Variants in IPCEF1 observed in about 807,000 individuals in gnomAD.
IPCEF1 encodes the protein interaction protein for cytohesin exchange factors 1.
IPCEF1 carries 31 observed loss-of-function variants against 50.9 expected under a neutral mutation model. The ratio of observed to expected loss-of-function variants is 0.61; its 90% confidence interval spans 0.46 to 0.82. The LOEUF (loss-of-function observed/expected upper bound fraction) is 0.82. IPCEF1 is among the 40% of genes least tolerant of loss of function. IPCEF1 has a pLI of 0.00. For missense variants in IPCEF1, 458 were observed against 514.0 expected, an observed-to-expected ratio of 0.89 and a Z score of 1.05; for synonymous variants, 181 against 192.0, an observed-to-expected ratio of 0.94 and a Z score of 0.47.
intron 5 of IPCEF1, among the ~76,000 whole-genome samples, chr6:154,231,234 A>T (rs559345191): frequency 6.6e-6 from 1 of 152,232 alleles, no homozygotes; most frequent in Non-Finnish European, 1.5e-5. Flanking sequence ...AGGAGATTGA[A>T]GAAAAGTTAG....
intron 1 of IPCEF1, among the ~76,000 whole-genome samples, chr6:154,336,785 TTTG>T (rs973105224): frequency 1.1e-4 from 17 of 152,046 alleles, no homozygotes; most frequent in Admixed American, 7.9e-4. Context: ...TTAAAAATTT[TTTG>T]TTGAGACAAG....
At chr6:154,316,174 T>C (rs560781084) in intron 1 of IPCEF1, among the ~76,000 whole-genome samples, 1 of 151,332 alleles carries the variant, frequency 6.6e-6, no homozygotes, top group Non-Finnish European at 1.5e-5. Flanking sequence ...TGCAAATTCT[T>C]AACCCTCACT....
rs1799583338 is a variant in IPCEF1, at chr6:154,168,168, A to C, written c.911-55T>G. 1.1e-5 allele frequency: 15 copies of C among 1,377,012 alleles called. No individual in the cohort carries two copies. The highest frequency in any genetic ancestry group is 1.1e-5 in the Non-Finnish European group (11 of 1,011,488). 85.3% of individuals were successfully genotyped at this position (1,377,012 alleles called of 1,614,324 possible). ...CAATAAACCCAGTGAAAAATCAAGGAGAGAACATTCAATACTGTGGTCCCA... is the reference window on the plus strand; with the variant it reads ...CAATAAACCCAGTGAAAAATCAAGGCGAGAACATTCAATACTGTGGTCCCA... On this transcript the variant is annotated intron_variant, in intron 10 of 11. Coordinates refer to ENST00000367220, the MANE Select transcript of IPCEF1 (RefSeq NM_001130700.2). The surrounding 1 kb of genome is among the most constrained non-coding windows in gnomAD (Gnocchi z 4.1).
chr6:154,189,119 T>C (rs1372974034), intron 10 of IPCEF1, among the ~76,000 whole-genome samples: 2 of 152,078 alleles, frequency 1.3e-5, no homozygotes, highest in African/African-American at 2.4e-5. Flanking sequence ...ACAAATCCAT[T>C]GGAAAAACAA....
At chr6:154,190,218 A>G (rs867901794) in intron 10 of IPCEF1, among the ~76,000 whole-genome samples, 3 of 152,320 alleles carry the variant, frequency 2.0e-5, no homozygotes, top group South Asian at 4.1e-4. Flanking sequence ...GACGTTTCAC[A>G]TTAAAAATAT....
intron 5 of IPCEF1, among the ~76,000 whole-genome samples, chr6:154,228,213 C>T (rs969246055): frequency 6.6e-6 from 1 of 152,042 alleles, no homozygotes; most frequent in Non-Finnish European, 1.5e-5. Flanking sequence ...CGCCTGTAAT[C>T]CCAGCGCTTT....
chr6:154,281,824 G>A (rs1025172156), intron 2 of IPCEF1, among the ~76,000 whole-genome samples: 2 of 152,172 alleles, frequency 1.3e-5, no homozygotes, highest in African/African-American at 4.8e-5. Flanking sequence ...CCAACATGGT[G>A]AAACCACGTC....
chr6:154,343,651 T>A (rs1220219394), intron 1 of IPCEF1, among the ~76,000 whole-genome samples: 1 of 152,204 alleles, frequency 6.6e-6, no homozygotes, highest in Non-Finnish European at 1.5e-5. Flanking sequence ...GTCTCTAAAA[T>A]TACTCACATT....
intron 4 of IPCEF1, 97 bp downstream of exon 4, chr6:154,247,352 G>C (rs1323521044): frequency 2.1e-6 from 2 of 956,588 alleles, no homozygotes; most frequent in Non-Finnish European, 3.3e-6. Flanking sequence ...TTAGCATTAA[G>C]ACAGACAGAA....
At chr6:154,311,923 T>C (rs1474915649) in intron 1 of IPCEF1, among the ~76,000 whole-genome samples, 1 of 152,202 alleles carries the variant, frequency 6.6e-6, no homozygotes, top group Non-Finnish European at 1.5e-5. Context: ...AACTACGATA[T>C]GGGCCAGCAA....
chr6:154,256,204 T>A (rs1332016084), intron 3 of IPCEF1, among the ~76,000 whole-genome samples: 1 of 152,138 alleles, frequency 6.6e-6, no homozygotes, highest in African/African-American at 2.4e-5. Context: ...TCTTACTGGT[T>A]TACACATGGC....
chr6:154,273,941 G>C (rs1039312775), intron 2 of IPCEF1, among the ~76,000 whole-genome samples: 2 of 150,450 alleles, frequency 1.3e-5, no homozygotes, highest in African/African-American at 4.9e-5. Context: ...TTTTAGTAGA[G>C]ACGGGGTTTC....
chr6:154,285,318 CT>C lies in IPCEF1; in HGVS notation c.-18+4394del, dbSNP rs987382937. Among the ~76,000 whole-genome samples the C allele has an allele frequency of 6.6e-5, 10 of 152,236 alleles. 2 individuals are homozygous for C. Among genetic ancestry groups the C allele is most frequent in the South Asian group, 2.1e-4 (1 of 4,822 alleles). On this transcript the variant is annotated intron_variant, in intron 2 of 11. Transcript: ENST00000367220. ...GAGAAAACTTGTTCTTTTCTTTTCC[CT>C]TTTCCTCACTGTCTACATATAATAA... is the stretch of plus-strand genomic sequence containing the variant.
chr6:154,163,953 AAGTT>A (rs1266415922), intron 11 of IPCEF1, among the ~76,000 whole-genome samples: 1 of 152,194 alleles, frequency 6.6e-6, no homozygotes, highest in African/African-American at 2.4e-5. Context: ...TGTTTATAGA[AAGTT>A]AGGCAGGGCC....
intron 1 of IPCEF1, among the ~76,000 whole-genome samples, chr6:154,309,283 A>G (rs911502714): frequency 6.6e-6 from 1 of 152,178 alleles, no homozygotes; most frequent in African/African-American, 2.4e-5. Context: ...AAATTTGGAT[A>G]TATTTGTATG....
intron 10 of IPCEF1, among the ~76,000 whole-genome samples, chr6:154,190,060 T>A (rs1317559429): frequency 2.0e-5 from 3 of 152,164 alleles, no homozygotes; most frequent in Non-Finnish European, 2.9e-5. Context: ...CAATAATGTA[T>A]CATCAAACTG....
chr6:154,312,442 G>A (rs1015568069), intron 1 of IPCEF1, among the ~76,000 whole-genome samples: 25 of 152,152 alleles, frequency 1.6e-4, no homozygotes, highest in Non-Finnish European at 1.5e-4. Context: ...CACCTCCTGG[G>A]TTCAAGTGAT....
chr6:154,283,410 C>T (rs1782278039), intron 2 of IPCEF1, among the ~76,000 whole-genome samples: 1 of 150,920 alleles, frequency 6.6e-6, no homozygotes, highest in Admixed American at 6.6e-5. Flanking sequence ...TCCTGGCTAA[C>T]ATGGTGAAAC....
At chr6:154,352,828 C>A (rs984806900) in intron 1 of IPCEF1, among the ~76,000 whole-genome samples, 6 of 152,174 alleles carry the variant, frequency 3.9e-5, no homozygotes, top group African/African-American at 1.2e-4. Context: ...TTTTTATGAC[C>A]TCTCCCTATG....
Sources: gnomAD v4.1 joint callset for allele counts (sites outside exome capture counted in the v4.1 genomes callset) on GRCh38, gnomAD v4.1.1 for gene constraint, Gnocchi (gnomAD v3.1) non-coding constraint, MANE v1.5 for transcripts, NCBI Gene and HGNC (gene_info 2026-07-23, HGNC 2026-07-21) for gene names.